Variants in SASH1 observed in about 807,000 individuals in gnomAD.
SASH1 encodes the protein SAM and SH3 domain containing 1.
In SASH1, 44 loss-of-function variants were observed where a neutral mutation model predicts 125.2. The observed-to-expected ratio is 0.35, with a 90% CI of 0.28 to 0.45. The LOEUF is 0.45. Among genes scored for constraint, SASH1 ranks in the 20% least tolerant of loss-of-function variants. The pLI is 1.00. For synonymous variants in SASH1, 639 were observed against 649.1 expected (o/e 0.98, Z 0.24); for missense variants, 1,426 against 1,614.5 (o/e 0.88, Z 2.00).
At chr6:148,194,666 G>C in the SASH1 span, among the ~76,000 whole-genome samples, 2 of 152,338 alleles carry the variant, frequency 1.3e-5, no homozygotes, top group East Asian at 3.9e-4. Context: ...CCAGCACTTT[G>C]GGAGGCCAAG....
In SASH1 at chr6:148,519,830, G is replaced by C. The variant is rs138202713; in HGVS notation, c.1146G>C (p.Gln382His). The change falls in exon 10 of 20, where the codon CAG becomes CAC. Residue 382 changes from glutamine (Q) to histidine (H), a missense_variant. Gln to His is a conservative substitution (Grantham distance 24). Coordinates refer to ENST00000367467, the MANE Select transcript of SASH1 (RefSeq NM_015278.5). The surrounding 1 kb of genome is among the most constrained non-coding windows in gnomAD (Gnocchi z 4.8). ...CCTACCCAGAAGAAGAAAAGGCCCAGAAAGTGTCCCGCTCCCTCACCGAGG... is the reference window on the plus strand; with the variant it reads ...CCTACCCAGAAGAAGAAAAGGCCCACAAAGTGTCCCGCTCCCTCACCGAGG... ...FFSYPEEEKA[Q>H]KVSRSLTEGE... 73 of 1,611,672 alleles carry C rather than the reference G, an allele frequency of 4.5e-5. No individual in the cohort carries two copies. The African/African-American group carries it at 9.0e-4, about 20-fold the overall frequency.
intron 1 of SASH1, among the ~76,000 whole-genome samples, chr6:148,363,148 T>G (rs2114715506): frequency 6.6e-6 from 1 of 152,292 alleles, no homozygotes; most frequent in African/African-American, 2.4e-5. Flanking sequence ...GTGATATCCA[T>G]AAACACAGGG....
Position 148,549,830 on chromosome 6 carries a change from A to G in SASH1, c.*1272A>G. ...CATTCTATCCTTTTTTTTTTTTGAA[A>G]TGGAGTTTCGCTCTTGTCACCCAGG... On this transcript the variant is annotated 3_prime_UTR_variant, in exon 20 of 20. Coordinates refer to ENST00000367467, the MANE Select transcript of SASH1 (RefSeq NM_015278.5). 1 of 328,352 alleles carries G rather than the reference A, an allele frequency of 3.0e-6. No homozygotes were observed. Among genetic ancestry groups the G allele is most frequent in the Non-Finnish European group, 5.5e-6 (1 of 183,142 alleles). The allele number at this position is 328,352 out of a possible 1,614,324, so 20.3% of individuals were successfully genotyped here. A position where few individuals can be genotyped will look rare whatever the true frequency, so the allele number is the denominator to read the frequency against.
At chr6:148,211,807 TGTGACGGCTGCTCCCTGTC>T in the SASH1 span, among the ~76,000 whole-genome samples, 10 of 152,172 alleles carry the variant, frequency 6.6e-5, no homozygotes, top group Non-Finnish European at 1.2e-4. Flanking sequence ...GTGGGTGGCC[TGTGACGGCTGCTCCCTGTC>T]GTGACTGCCA....
the SASH1 span, among the ~76,000 whole-genome samples, chr6:148,195,480 G>C: frequency 6.6e-6 from 1 of 152,148 alleles, no homozygotes; most frequent in African/African-American, 2.4e-5. Context: ...GAGAACTATC[G>C]GACTTATAAG....
upstream of SASH1, among the ~76,000 whole-genome samples, chr6:148,340,637 G>A (rs1006166798): frequency 4.0e-5 from 6 of 151,854 alleles, no homozygotes; most frequent in Non-Finnish European, 8.8e-5. Flanking sequence ...AACCTCATCA[G>A]CCTTAACTGA....
chr6:148,317,749 T>G (rs1294854185), intron 1 of SASH1, among the ~76,000 whole-genome samples: 1 of 150,944 alleles, frequency 6.6e-6, no homozygotes, highest in Non-Finnish European at 1.5e-5. Flanking sequence ...TTAATGGGAC[T>G]CCCAACATCT....
rs143701801 is a variant in SASH1, at chr6:148,468,552, C to T, written c.394C>T (p.Leu132Phe). The T allele has an allele frequency of 6.2e-7, 1 of 1,609,440 alleles. No homozygotes were observed. The highest frequency in any genetic ancestry group is 8.5e-7 in the Non-Finnish European group (1 of 1,176,730). ...STPEVERKNPLHKSNSEDSSV... is the reference protein window; with the variant it reads ...STPEVERKNPFHKSNSEDSSV... ...TTTGTTTTTCTTTTCTAGGAACCCT[C>T]TTCATAAATCAAACTCAGAAGACAG... Residue 132 changes from leucine (L) to phenylalanine (F), a missense_variant, in exon 5 of 20, where the codon CTT becomes TTT. Transcript: ENST00000367467.
intron 1 of SASH1, among the ~76,000 whole-genome samples, chr6:148,329,638 ATGTG>A (rs1780931886): frequency 6.6e-6 from 1 of 152,096 alleles, no homozygotes; most frequent in Non-Finnish European, 1.5e-5. Context: ...GTGAGTGTGT[ATGTG>A]TGTGTGTCTG....
the SASH1 span, among the ~76,000 whole-genome samples, chr6:148,222,196 G>A: frequency 6.6e-6 from 1 of 152,150 alleles, no homozygotes; most frequent in Admixed American, 6.5e-5. Flanking sequence ...AGGTAGCTGA[G>A]GAATAGTGTG....
At chr6:148,387,626 T>TCTCTCTC (rs1783488476) in intron 1 of SASH1, among the ~76,000 whole-genome samples, 1 of 40,142 alleles carries the variant, frequency 2.5e-5, no homozygotes, top group Non-Finnish European at 5.3e-5. Flanking sequence ...CTTTCTTTCT[T>TCTCTCTC]TCTTTCTTTC....
the SASH1 span, among the ~76,000 whole-genome samples, chr6:148,206,605 C>T: frequency 6.6e-6 from 1 of 151,984 alleles, no homozygotes; most frequent in Non-Finnish European, 1.5e-5. Context: ...ACCTGGCCAA[C>T]ATGGTGAAAC....
At chr6:148,307,024 T>TTTTCTTTTCTTTC (rs1462921182) in intron 1 of SASH1, among the ~76,000 whole-genome samples, 72 of 120,778 alleles carry the variant, frequency 6.0e-4, no homozygotes, top group African/African-American at 9.8e-4. Flanking sequence ...TTTCTCTTTC[T>TTTTCTTTTCTTTC]TTTCTTTCTT....
At chr6:148,471,132 A>G (rs1216965279) in intron 5 of SASH1, among the ~76,000 whole-genome samples, 1 of 151,868 alleles carries the variant, frequency 6.6e-6, no homozygotes, top group Non-Finnish European at 1.5e-5. Context: ...ACAAACATCA[A>G]AGTAAACACA....
the SASH1 span, among the ~76,000 whole-genome samples, chr6:148,223,329 C>A: frequency 6.6e-6 from 1 of 152,206 alleles, no homozygotes; most frequent in Admixed American, 6.5e-5. Context: ...GTTCTTAGAA[C>A]AGTGCTTTGA....
rs1777774957 is a variant in SASH1, at chr6:148,465,130, G to A, written c.387-3415G>A. Among the ~76,000 whole-genome samples, 6 of 152,200 alleles carry A rather than the reference G, an allele frequency of 3.9e-5. No individual in the cohort carries two copies. The South Asian group carries it at 1.2e-3, about 32-fold the overall frequency. ...CAGTGGGAGCGTACATTTTTCTGCA[G>A]TGTACTTTTTGAAGTATTTTGATGA... On this transcript the variant is annotated intron_variant, in intron 4 of 19. Coordinates refer to ENST00000367467, the MANE Select transcript of SASH1 (RefSeq NM_015278.5).
chr6:148,354,250 AGAAAATGCTTGT>A (rs1457893620), intron 1 of SASH1, among the ~76,000 whole-genome samples: 3 of 152,234 alleles, frequency 2.0e-5, no homozygotes, highest in Non-Finnish European at 4.4e-5. Flanking sequence ...TCTGAAAACA[AGAAAATGCTTGT>A]AATAAAAGTA....
intron 1 of SASH1, among the ~76,000 whole-genome samples, chr6:148,374,209 A>G (rs1435577358): frequency 6.6e-6 from 1 of 152,238 alleles, no homozygotes; most frequent in Non-Finnish European, 1.5e-5. Flanking sequence ...AGAAGCATAA[A>G]CAAGTTTGGG....
intron 1 of SASH1, among the ~76,000 whole-genome samples, chr6:148,291,441 G>A (rs1170249142): frequency 6.6e-6 from 1 of 152,154 alleles, no homozygotes; most frequent in Non-Finnish European, 1.5e-5. Context: ...AGGACTTTGA[G>A]ATGCCAAGGT....
Sources: allele counts gnomAD v4.1 joint callset (sites outside exome capture counted in the v4.1 genomes callset), GRCh38; gene constraint gnomAD v4.1.1; non-coding constraint Gnocchi (gnomAD v3.1); transcripts MANE v1.5; gene names NCBI Gene and HGNC (gene_info 2026-07-23, HGNC 2026-07-21).